The following MFSD11 variants were observed in gnomAD, a reference collection of about 807,000 sequenced individuals.
MFSD11 encodes major facilitator superfamily domain containing 11, also known as UNC93-like protein MFSD11.
In MFSD11, 36 loss-of-function variants were observed where a neutral mutation model predicts 53.5. The ratio of observed to expected loss-of-function variants is 0.67; its 90% CI spans 0.52 to 0.89. The LOEUF is 0.89. Ranked by LOEUF, MFSD11 falls within the 40% of genes least tolerant of loss-of-function variation. The pLI is 0.00. For synonymous variants in MFSD11, 186 were observed against 184.9 expected (o/e 1.01, Z -0.05); for missense variants, 530 against 543.9 (o/e 0.97, Z 0.25).
intron 8 of MFSD11, among the ~76,000 whole-genome samples, chr17:76,761,635 T>C (rs190103557): frequency 2.8e-4 from 42 of 152,020 alleles, no homozygotes; most frequent in African/African-American, 9.9e-4. Flanking sequence ...ATATAATTCA[T>C]ATACTGGCCG....
At chr17:76,798,590 A>T in the MFSD11 span, among the ~76,000 whole-genome samples, 3 of 152,148 alleles carry the variant, frequency 2.0e-5, no homozygotes, top group South Asian at 6.2e-4. Context: ...GGAAATTCCA[A>T]GGCTTGTAGG....
In MFSD11 at chr17:76,776,460, T is replaced by TA. The variant is rs1326317175; in HGVS notation, c.1106dup (p.Asn369LysfsTer6). ...TGTTGGGCCTTGGAGACAGCTGCTT[T>TA]AATACCCAGCTGCTTAGTATCTTGG... On this transcript the variant is annotated frameshift_variant, in exon 12 of 13. Transcript: ENST00000685175. LOFTEE classifies it high-confidence loss of function. This position sits in a 1 kb window ranked among gnomAD's most constrained non-coding sequence, Gnocchi z 4.2. The TA allele has an allele frequency of 2.5e-6, 4 of 1,613,978 alleles. No homozygotes were observed. The South Asian group carries it at 4.4e-5, about 18-fold the overall frequency.
chr17:76,779,877 A>G (rs2082115119), downstream of MFSD11, among the ~76,000 whole-genome samples: 1 of 152,080 alleles, frequency 6.6e-6, no homozygotes, highest in Non-Finnish European at 1.5e-5. Context: ...TTTGCTAGCA[A>G]TTTTCCTGGA....
the MFSD11 span, among the ~76,000 whole-genome samples, chr17:76,800,589 G>A: frequency 6.6e-6 from 1 of 152,022 alleles, no homozygotes; most frequent in Non-Finnish European, 1.5e-5. Context: ...ATAATAACCT[G>A]TTTGAAAAAG....
At chr17:76,737,412 G>C (rs1489512768), upstream of MFSD11, 3 of 439,260 alleles carry the variant, frequency 6.8e-6, no homozygotes, top group Non-Finnish European at 1.2e-5. Flanking sequence ...GAAACCTTCT[G>C]ATTGGCCCAC....
At chr17:76,781,249 T>C (rs2082156988), downstream of MFSD11, 1 of 152,260 alleles carries the variant, frequency 6.6e-6, no homozygotes, top group Non-Finnish European at 1.5e-5. Context: ...CTTATGGCTA[T>C]TGGCTAAAGA....
At chr17:76,742,108 A>G in intron 4 of MFSD11, 60 bp downstream of exon 4, 1 of 1,613,664 alleles carries the variant, frequency 6.2e-7, no homozygotes. Context: ...TAAGGGTATT[A>G]TTTATGTGTT....
the MFSD11 span, among the ~76,000 whole-genome samples, chr17:76,789,735 A>G: frequency 2.0e-5 from 3 of 149,916 alleles, no homozygotes; most frequent in Non-Finnish European, 4.5e-5. Context: ...ATACTGATTT[A>G]TGTCTTGGCC....
At chr17:76,770,628 T>C (rs1354677189) in intron 10 of MFSD11, among the ~76,000 whole-genome samples, 1 of 152,162 alleles carries the variant, frequency 6.6e-6, no homozygotes, top group Non-Finnish European at 1.5e-5. Context: ...CAGGCACACC[T>C]CTCTGACTTG....
At chr17:76,752,965 T>C (rs1201776089) in intron 7 of MFSD11, 4 of 151,820 alleles carry the variant, frequency 2.6e-5, no homozygotes, top group Admixed American at 2.6e-4. Context: ...GAGATTAGCA[T>C]GGCCCCTGCG....
intron 8 of MFSD11, among the ~76,000 whole-genome samples, chr17:76,756,826 C>G (rs973910082): frequency 6.6e-6 from 1 of 150,710 alleles, no homozygotes; most frequent in African/African-American, 2.4e-5. Context: ...CGCCACTGCA[C>G]TCCAGCCTGG....
At chr17:76,796,952 G>A in the MFSD11 span, among the ~76,000 whole-genome samples, 1 of 151,952 alleles carries the variant, frequency 6.6e-6, no homozygotes, top group Non-Finnish European at 1.5e-5. Flanking sequence ...GGCAGATCAC[G>A]AGGTCAGGAG....
intron 7 of MFSD11, 52 bp downstream of exon 7, chr17:76,744,518 C>T (rs747831858): frequency 2.6e-6 from 4 of 1,535,806 alleles, no homozygotes; most frequent in African/African-American, 2.8e-5. Context: ...TTGAGTAGAT[C>T]TAGTCTAGAG....
chr17:76,787,708 A>G, the MFSD11 span, among the ~76,000 whole-genome samples: 7 of 149,688 alleles, frequency 4.7e-5, 1 homozygote, highest in Non-Finnish European at 8.9e-5. Context: ...CCCAACCCCA[A>G]ACTGACTGAA....
At chr17:76,742,841 C>G (rs2078222129) in intron 5 of MFSD11, among the ~76,000 whole-genome samples, 1 of 152,108 alleles carries the variant, frequency 6.6e-6, no homozygotes, top group African/African-American at 2.4e-5. Flanking sequence ...AACAGCTATT[C>G]TGCTCTTGAC....
chr17:76,777,350 C>T (rs1490198024), intron 12 of MFSD11, among the ~76,000 whole-genome samples: 1 of 151,362 alleles, frequency 6.6e-6, no homozygotes, highest in Non-Finnish European at 1.5e-5. Flanking sequence ...AGTGCAATCT[C>T]TGCCTCCCAA....
chr17:76,740,173 CAAAA>C (rs11289503), intron 2 of MFSD11, among the ~76,000 whole-genome samples: 1 of 76,648 alleles, frequency 1.3e-5, no homozygotes. Context: ...GGCTCCGTCT[CAAAA>C]AAAAAAAAAA....
chr17:76,789,939 A>C, the MFSD11 span, among the ~76,000 whole-genome samples: 2 of 150,336 alleles, frequency 1.3e-5, no homozygotes, highest in African/African-American at 4.9e-5. Flanking sequence ...GTTAAGAGAT[A>C]ATTAACTTTG....
the MFSD11 span, among the ~76,000 whole-genome samples, chr17:76,801,832 C>T: frequency 9.3e-4 from 142 of 152,244 alleles, 1 homozygote; most frequent in Non-Finnish European, 7.2e-4. Flanking sequence ...GTCTTTAAGA[C>T]TTGTATCTTG....
Sources: gnomAD v4.1 joint callset for allele counts (sites outside exome capture counted in the v4.1 genomes callset) on GRCh38, gnomAD v4.1.1 for gene constraint, Gnocchi (gnomAD v3.1) non-coding constraint, MANE v1.5 for transcripts, NCBI Gene and HGNC (gene_info 2026-07-23, HGNC 2026-07-21) for gene names.